The following CCDC192 variants were observed in gnomAD, a reference collection of about 807,000 sequenced individuals.
CCDC192 encodes the protein coiled-coil domain containing 192.
At chr5:127,900,416 A>G (rs1561544974) in intron 6 of CCDC192, among the ~76,000 whole-genome samples, 4 of 152,214 alleles carry the variant, frequency 2.6e-5, no homozygotes, top group Admixed American at 6.5e-5. Flanking sequence ...CCACCTGTTA[A>G]TGGGATGTGG....
chr5:127,868,132 T>G (rs2127120183), intron 5 of CCDC192, among the ~76,000 whole-genome samples: 1 of 152,044 alleles, frequency 6.6e-6, no homozygotes, highest in African/African-American at 2.4e-5. Context: ...CTTCCCTGGC[T>G]CTCTGTAAAG....
chr5:127,861,662 A>T (rs568385744), intron 5 of CCDC192, among the ~76,000 whole-genome samples: 17 of 151,814 alleles, frequency 1.1e-4, no homozygotes, highest in East Asian at 7.8e-4. Context: ...TCAAAAAAAA[A>T]TTTTTTTTTA....
chr5:127,792,263 A>G (rs959412368), intron 3 of CCDC192, among the ~76,000 whole-genome samples: 1 of 152,162 alleles, frequency 6.6e-6, no homozygotes, highest in African/African-American at 2.4e-5. Flanking sequence ...GAAACTTACA[A>G]TTATTGTGGA....
chr5:127,760,219 CCTT>C (rs1412934629), intron 3 of CCDC192, among the ~76,000 whole-genome samples: 3 of 151,046 alleles, frequency 2.0e-5, no homozygotes, highest in Non-Finnish European at 2.9e-5. Context: ...CTTTAGTCCA[CCTT>C]AAAGAACTGA....
intron 2 of CCDC192, among the ~76,000 whole-genome samples, chr5:127,742,110 T>C (rs115945676): frequency 3.1e-3 from 472 of 152,340 alleles, no homozygotes; most frequent in Non-Finnish European, 5.4e-3. Context: ...TTGCCTAGTA[T>C]AGTGCCTGGC....
At chr5:127,738,408 C>T (rs1479972994) in intron 2 of CCDC192, among the ~76,000 whole-genome samples, 15 of 139,264 alleles carry the variant, frequency 1.1e-4, no homozygotes, top group African/African-American at 4.2e-4. Flanking sequence ...AATTATGTGT[C>T]TTGGAGTTGC....
intron 6 of CCDC192, among the ~76,000 whole-genome samples, chr5:127,890,214 A>T (rs1044764939): frequency 6.6e-6 from 1 of 152,168 alleles, no homozygotes; most frequent in Non-Finnish European, 1.5e-5. Context: ...TTCTACAAAA[A>T]TTTTTTTAAA....
intron 5 of CCDC192, among the ~76,000 whole-genome samples, chr5:127,816,813 G>A (rs1351642602): frequency 6.6e-6 from 1 of 152,192 alleles, no homozygotes; most frequent in Admixed American, 6.5e-5. Flanking sequence ...TAGGAAAAGT[G>A]TTCAAAGATG....
At chr5:127,867,592 T>C (rs894293393) in intron 5 of CCDC192, among the ~76,000 whole-genome samples, 2 of 152,182 alleles carry the variant, frequency 1.3e-5, no homozygotes, top group African/African-American at 2.4e-5. Flanking sequence ...CCAAGGGGAA[T>C]TGGACTGGAA....
chr5:127,797,731 GTATATATATATATATATA>G lies in CCDC192; in HGVS notation c.355-345_355-328del, dbSNP rs146458343. Among the ~76,000 whole-genome samples the G allele has an allele frequency of 3.2e-3, 68 of 21,020 alleles. 2 individuals are homozygous for G. The Middle Eastern group carries it at 0.1, about 31-fold the overall frequency. 13.8% of individuals were successfully genotyped at this position (21,020 alleles called of 152,430 possible). A position where few individuals can be genotyped will look rare whatever the true frequency, so the allele number is the denominator to read the frequency against. ...TATATGGATATGATTTCATGTGAAG[GTATATATATATATATATA>G]TATATATATATATATATATATATAT... On this transcript the variant is annotated intron_variant, in intron 4 of 6. Coordinates refer to ENST00000514853, the MANE Select transcript of CCDC192 (RefSeq NM_001317938.2).
chr5:127,819,371 C>T (rs1309035918), intron 5 of CCDC192, among the ~76,000 whole-genome samples: 1 of 152,156 alleles, frequency 6.6e-6, no homozygotes, highest in African/African-American at 2.4e-5. Context: ...CTTACTCTCT[C>T]CCCAGTCAGA....
At chr5:127,884,764 A>G (rs1752500413) in intron 6 of CCDC192, among the ~76,000 whole-genome samples, 1 of 152,178 alleles carries the variant, frequency 6.6e-6, no homozygotes, top group African/African-American at 2.4e-5. Context: ...GTTTTAGTTA[A>G]ACCTTATAAA....
At chr5:127,830,165 CA>C (rs34425575) in intron 5 of CCDC192, among the ~76,000 whole-genome samples, 2 of 150,196 alleles carry the variant, frequency 1.3e-5, no homozygotes, top group Admixed American at 6.6e-5. Flanking sequence ...TTCGCAGTCT[CA>C]AAAAAAAAAT....
At chr5:127,847,988 G>A (rs937427779) in intron 5 of CCDC192, among the ~76,000 whole-genome samples, 4 of 151,910 alleles carry the variant, frequency 2.6e-5, no homozygotes, top group African/African-American at 9.7e-5. Flanking sequence ...GTAGAGACAG[G>A]ATTTCACCAT....
chr5:127,903,620 A>G (rs1251376155), intron 6 of CCDC192, among the ~76,000 whole-genome samples: 6 of 152,200 alleles, frequency 3.9e-5, no homozygotes, highest in African/African-American at 1.4e-4. Context: ...TCATGCAGGC[A>G]TGAGTGGAGC....
chr5:127,828,089 T>G (rs1456431237), intron 5 of CCDC192, among the ~76,000 whole-genome samples: 1 of 152,124 alleles, frequency 6.6e-6, no homozygotes, highest in Non-Finnish European at 1.5e-5. Flanking sequence ...ATATTTTTAG[T>G]AGAGACAGGG....
intron 5 of CCDC192, among the ~76,000 whole-genome samples, chr5:127,859,411 C>T (rs1439371828): frequency 2.0e-5 from 3 of 152,154 alleles, no homozygotes; most frequent in Non-Finnish European, 4.4e-5. Flanking sequence ...TGGAGAACTA[C>T]TTCTAGGATT....
intron 3 of CCDC192, among the ~76,000 whole-genome samples, chr5:127,767,735 A>G (rs1205206568): frequency 6.6e-6 from 1 of 152,142 alleles, no homozygotes; most frequent in Non-Finnish European, 1.5e-5. Context: ...TCAATTATTG[A>G]TTGGCCTGTT....
chr5:127,804,209 T>C (rs1757660786), intron 5 of CCDC192, among the ~76,000 whole-genome samples: 1 of 152,230 alleles, frequency 6.6e-6, no homozygotes, highest in African/African-American at 2.4e-5. Context: ...ACATGGCCTG[T>C]TTCCTTGGGT....
Sources: gnomAD v4.1 joint callset for allele counts (sites outside exome capture counted in the v4.1 genomes callset) on GRCh38, gnomAD v4.1.1 for gene constraint, MANE v1.5 for transcripts, NCBI Gene and HGNC (gene_info 2026-07-23, HGNC 2026-07-21) for gene names.